Variants in NDST3 observed in about 807,000 individuals in gnomAD.
NDST3 encodes bifunctional heparan sulfate N-deacetylase/N-sulfotransferase 3.
A neutral mutation model predicts 96.1 loss-of-function variants in NDST3; 58 were observed. The observed-to-expected ratio is 0.60, with a 90% confidence interval of 0.49 to 0.75. The LOEUF is 0.75. Among genes scored for constraint, NDST3 ranks in the 30% least tolerant of loss-of-function variants. NDST3 has a pLI of 0.00. For missense variants in NDST3, 788 were observed against 1,034.2 expected, an observed-to-expected ratio of 0.76 and a Z score of 3.27; for synonymous variants, 333 against 359.7, an observed-to-expected ratio of 0.93 and a Z score of 0.84.
intron 11 of NDST3, 123 bp from the exon 12 acceptor site, chr4:118,241,917 A>G: frequency 1.6e-6 from 1 of 618,378 alleles, no homozygotes; most frequent in Non-Finnish European, 2.9e-6. Context: ...TCTATCTAAC[A>G]CCAATGCATG....
At chr4:118,246,982 G>A (rs1193899237) in intron 12 of NDST3, among the ~76,000 whole-genome samples, 1 of 152,076 alleles carries the variant, frequency 6.6e-6, no homozygotes, top group East Asian at 1.9e-4. Context: ...CATAATATAT[G>A]GCCACTTTGG....
chr4:118,085,701 G>T (rs1017624376), intron 2 of NDST3, among the ~76,000 whole-genome samples: 2 of 152,032 alleles, frequency 1.3e-5, no homozygotes, highest in Non-Finnish European at 2.9e-5. Context: ...GTAGTGGCTT[G>T]TTGTTGTTAT....
At chr4:118,097,482 G>A (rs868121565) in intron 2 of NDST3, among the ~76,000 whole-genome samples, 3 of 152,044 alleles carry the variant, frequency 2.0e-5, no homozygotes, top group Non-Finnish European at 4.4e-5. Flanking sequence ...GAATAGAACA[G>A]TGATTCTTAA....
chr4:118,242,174 A>G (rs1187896819), intron 12 of NDST3, 25 bp downstream of exon 12: 1 of 1,452,744 alleles, frequency 6.9e-7, no homozygotes, highest in Non-Finnish European at 9.6e-7. Flanking sequence ...TAATTAGTTT[A>G]TTGACATTTC....
chr4:118,046,796 G>A (rs1484321259), intron 1 of NDST3, among the ~76,000 whole-genome samples: 1 of 152,204 alleles, frequency 6.6e-6, no homozygotes, highest in Non-Finnish European at 1.5e-5. Flanking sequence ...AAAGCACTGA[G>A]AGGGGTGAGA....
intron 2 of NDST3, among the ~76,000 whole-genome samples, chr4:118,096,327 G>A (rs985317165): frequency 9.2e-5 from 14 of 151,600 alleles, no homozygotes; most frequent in African/African-American, 3.4e-4. Context: ...TTAAATCAGG[G>A]CTTGTCTGTT....
In NDST3 at chr4:118,043,970, G is replaced by A. The variant is rs1411627490; in HGVS notation, c.-156+9378G>A. Among the ~76,000 whole-genome samples the A allele has an allele frequency of 3.9e-5, 6 of 152,186 alleles. No homozygotes were observed. In the South Asian group the frequency reaches 1.2e-3, roughly 32 times the overall value. On this transcript the variant is annotated intron_variant, in intron 1 of 13. Transcript: ENST00000296499. ...TTGAAGAGCTTAATAGAAAAGAAAT[G>A]TCCTTCAGCATTTTATAATGGCTTA...
At chr4:118,174,985 C>T (rs1429043714) in intron 6 of NDST3, among the ~76,000 whole-genome samples, 2 of 152,206 alleles carry the variant, frequency 1.3e-5, no homozygotes, top group African/African-American at 4.8e-5. Flanking sequence ...ATAAGATTAA[C>T]AGCCAAAATC....
chr4:118,189,123 C>T (rs1343919156), intron 6 of NDST3, among the ~76,000 whole-genome samples: 1 of 152,116 alleles, frequency 6.6e-6, no homozygotes, highest in Non-Finnish European at 1.5e-5. Flanking sequence ...AATCTTGGCT[C>T]ACTGCAACCT....
chr4:118,046,175 C>T (rs754833788), intron 1 of NDST3, among the ~76,000 whole-genome samples: 34 of 152,124 alleles, frequency 2.2e-4, no homozygotes, highest in Non-Finnish European at 4.1e-4. Context: ...TCAACAGCTC[C>T]GGGGGAATAG....
intron 3 of NDST3, among the ~76,000 whole-genome samples, chr4:118,112,859 C>A (rs1730753389): frequency 6.6e-6 from 1 of 152,096 alleles, no homozygotes; most frequent in African/African-American, 2.4e-5. Flanking sequence ...CTCAGAAGCG[C>A]CAAGAATGCT....
intron 6 of NDST3, chr4:118,193,725 C>T (rs1737472699): frequency 1.2e-5 from 16 of 1,345,800 alleles, no homozygotes; most frequent in South Asian, 5.9e-5. Context: ...AGGCCCTTCT[C>T]GTTGTTGCTG....
chr4:118,116,658 C>A (rs886813005), intron 4 of NDST3, among the ~76,000 whole-genome samples: 11 of 152,012 alleles, frequency 7.2e-5, no homozygotes, highest in Non-Finnish European at 1.5e-4. Context: ...GAGATCGAGA[C>A]CATCCTGGCT....
At chr4:118,245,704 A>C (rs552926294) in intron 12 of NDST3, among the ~76,000 whole-genome samples, 1 of 152,282 alleles carries the variant, frequency 6.6e-6, no homozygotes, top group African/African-American at 2.4e-5. Context: ...GAAAAGAAAA[A>C]AATAGTCTAT....
At chr4:118,241,532 T>C (rs1269161991) in intron 11 of NDST3, among the ~76,000 whole-genome samples, 4 of 152,166 alleles carry the variant, frequency 2.6e-5, no homozygotes, top group Non-Finnish European at 4.4e-5. Context: ...TTGAGGAACT[T>C]TGTCCATGTT....
chr4:118,081,408 GA>G (rs1578599282), intron 2 of NDST3, among the ~76,000 whole-genome samples: 2 of 71,206 alleles, frequency 2.8e-5, no homozygotes, highest in East Asian at 8.8e-4. Context: ...CAATGCAAGT[GA>G]TTGTGTGTGT....
chr4:118,226,145 C>A (rs942944624), intron 7 of NDST3, among the ~76,000 whole-genome samples: 8 of 151,982 alleles, frequency 5.3e-5, no homozygotes, highest in African/African-American at 1.9e-4. Flanking sequence ...TTTGCCCATT[C>A]CTGAAATAAT....
At chr4:118,084,708 T>C (rs1365435513) in intron 2 of NDST3, among the ~76,000 whole-genome samples, 1 of 152,222 alleles carries the variant, frequency 6.6e-6, no homozygotes, top group East Asian at 1.9e-4. Context: ...AGAGATAGAC[T>C]CTTACTATTA....
intron 2 of NDST3, among the ~76,000 whole-genome samples, chr4:118,097,130 C>T (rs1211889104): frequency 6.6e-6 from 1 of 151,886 alleles, no homozygotes; most frequent in Non-Finnish European, 1.5e-5. Flanking sequence ...ACAGACACAC[C>T]CATAATAATG....
Sources: allele counts gnomAD v4.1 joint callset (sites outside exome capture counted in the v4.1 genomes callset), GRCh38; gene constraint gnomAD v4.1.1; transcripts MANE v1.5; gene names NCBI Gene and HGNC (gene_info 2026-07-23, HGNC 2026-07-21).